The following MCC variants were observed in gnomAD, a reference collection of about 807,000 sequenced individuals.
MCC encodes colorectal mutant cancer protein.
In MCC, 90 loss-of-function variants were observed where a neutral mutation model predicts 116.2. The observed-to-expected ratio is 0.77, with a 90% CI of 0.65 to 0.92. The LOEUF is 0.92. Among genes scored for constraint, MCC ranks in the 40% least tolerant of loss-of-function variants. The probability of loss-of-function intolerance (pLI) is 0.00; values close to 1 mark genes in which losing one functional copy is unlikely to be tolerated. For synonymous variants in MCC, 578 were observed against 510.5 expected (o/e 1.13, Z -1.78); for missense variants, 1,516 against 1,312.2 (o/e 1.16, Z -2.40).
chr5:113,442,319 C>G (rs1306041691), intron 1 of MCC, among the ~76,000 whole-genome samples: 1 of 152,164 alleles, frequency 6.6e-6, no homozygotes, highest in East Asian at 1.9e-4. Flanking sequence ...AGTGTCTGTT[C>G]ATACACTTTG....
At chr5:113,065,493 T>A (rs976955641) in intron 13 of MCC, among the ~76,000 whole-genome samples, 1 of 152,106 alleles carries the variant, frequency 6.6e-6, no homozygotes, top group East Asian at 1.9e-4. Flanking sequence ...CACCAAATCA[T>A]AGAAAATGCT....
At chr5:113,288,630 G>C (rs113931714) in intron 3 of MCC, among the ~76,000 whole-genome samples, 3,148 of 152,280 alleles carry the variant, frequency 0.021, 35 homozygotes, top group Middle Eastern at 0.027. Context: ...GTATTGCATA[G>C]GGATTACAAT....
intron 1 of MCC, among the ~76,000 whole-genome samples, chr5:113,386,814 T>TACACATACACAC (rs70973681): frequency 0.44 from 65,274 of 149,356 alleles, 15,696 homozygotes; most frequent in African/African-American, 0.63. Flanking sequence ...CATATACACA[T>TACACATACACAC]ACACATATAT....
At chr5:113,166,269 C>G (rs1760761855) in intron 3 of MCC, among the ~76,000 whole-genome samples, 1 of 152,152 alleles carries the variant, frequency 6.6e-6, no homozygotes, top group Non-Finnish European at 1.5e-5. Flanking sequence ...AAAAGAAAAT[C>G]TAAGTCTGGC....
At chr5:113,098,294 CTG>C (rs1214199424) in intron 8 of MCC, among the ~76,000 whole-genome samples, 1 of 152,218 alleles carries the variant, frequency 6.6e-6, no homozygotes, top group Non-Finnish European at 1.5e-5. Flanking sequence ...AGGGCACTCT[CTG>C]TGTTTACCTG....
chr5:113,165,810 C>CT (rs887288588), intron 3 of MCC, among the ~76,000 whole-genome samples: 1 of 152,128 alleles, frequency 6.6e-6, no homozygotes, highest in African/African-American at 2.4e-5. Context: ...AGCTTCATTG[C>CT]TGAGGGAGGT....
intron 1 of MCC, among the ~76,000 whole-genome samples, chr5:113,473,903 T>C (rs1772161938): frequency 1.3e-5 from 2 of 152,062 alleles, no homozygotes; most frequent in East Asian, 3.9e-4. Context: ...AAAATCAAAG[T>C]ATTTCAGGCC....
chr5:113,071,088 G>GCCTAGCGCTGTCTT lies in MCC; in HGVS notation c.1925+5_1925+6insAAGACAGCGCTAGG. On this transcript the variant is annotated splice_donor_region_variant and intron_variant, in intron 12 of 18. Coordinates refer to ENST00000408903, the MANE Select transcript of MCC (RefSeq NM_001085377.2). ...AGTAGCTCCAAACATCCCAGTGTGT[G>GCCTAGCGCTGTCTT]CCTACCTGTACTGCAAGGCCAGCCT... 6.2e-7 allele frequency: 1 copy of GCCTAGCGCTGTCTT among 1,610,570 alleles called. No homozygotes were observed. Among genetic ancestry groups the GCCTAGCGCTGTCTT allele is most frequent in the Non-Finnish European group, 8.5e-7 (1 of 1,178,316 alleles).
chr5:113,064,722 G>C (rs535211646), intron 13 of MCC, among the ~76,000 whole-genome samples: 1 of 152,138 alleles, frequency 6.6e-6, no homozygotes, highest in East Asian at 1.9e-4. Flanking sequence ...CCTTCTCTTG[G>C]CTTGGTAATC....
chr5:113,180,221 A>G (rs140096752), intron 3 of MCC, among the ~76,000 whole-genome samples: 60 of 151,402 alleles, frequency 4.0e-4, no homozygotes, highest in African/African-American at 1.3e-3. Context: ...TCTCATTTCT[A>G]CTCCCTTTGT....
At chr5:113,329,428 A>G (rs186490593) in intron 3 of MCC, among the ~76,000 whole-genome samples, 61 of 143,014 alleles carry the variant, frequency 4.3e-4, no homozygotes, top group African/African-American at 1.5e-3. Flanking sequence ...ACATACATAT[A>G]TACACACATA....
chr5:113,152,094 T>G (rs2150291817), intron 3 of MCC, among the ~76,000 whole-genome samples: 1 of 152,318 alleles, frequency 6.6e-6, no homozygotes, highest in South Asian at 2.1e-4. Context: ...CAAATGACGC[T>G]GTGAAAAGAC....
intron 2 of MCC, among the ~76,000 whole-genome samples, chr5:113,362,529 C>CT (rs1166163384): frequency 2.0e-5 from 3 of 151,562 alleles, no homozygotes; most frequent in Admixed American, 6.6e-5. Context: ...TTCTTTTTTT[C>CT]TTTTTTTTGG....
At chr5:113,239,069 G>C (rs1333356409) in intron 3 of MCC, among the ~76,000 whole-genome samples, 1 of 151,854 alleles carries the variant, frequency 6.6e-6, no homozygotes, top group Non-Finnish European at 1.5e-5. Flanking sequence ...TGCTTTTTAG[G>C]ATATATAACA....
At chr5:113,382,962 C>T (rs973465626) in intron 2 of MCC, among the ~76,000 whole-genome samples, 2 of 152,122 alleles carry the variant, frequency 1.3e-5, no homozygotes, top group Admixed American at 1.3e-4. Flanking sequence ...CTGTCAGTTA[C>T]CACCTCTTTT....
rs373926363 is a variant in MCC at position 113,174,585 on chromosome 5, T to C, written c.628-23163A>G. ...CCTTGGAGAAAAAACCCACGACATA[T>C]AGTTAAAAAATATTTTTTTTCTTAA... On this transcript the variant is annotated intron_variant, in intron 3 of 18. Transcript: ENST00000408903. 2.1e-3 allele frequency among the ~76,000 whole-genome samples: 322 copies of C among 152,010 alleles called. 1 individual carries two copies. Among genetic ancestry groups the C allele is most frequent in the African/African-American group, 6.0e-3 (248 of 41,490 alleles).
chr5:113,480,953 T>C (rs1161758148), intron 1 of MCC, among the ~76,000 whole-genome samples: 1 of 152,074 alleles, frequency 6.6e-6, no homozygotes, highest in Non-Finnish European at 1.5e-5. Flanking sequence ...TTTTGTAATT[T>C]TTTTGTAGAG....
At chr5:113,338,444 C>A (rs766758509) in intron 3 of MCC, among the ~76,000 whole-genome samples, 11 of 152,128 alleles carry the variant, frequency 7.2e-5, no homozygotes, top group Non-Finnish European at 1.6e-4. Flanking sequence ...GAACAGAAAT[C>A]AGTCCAGGAG....
At chr5:113,472,239 C>A (rs950150913) in intron 1 of MCC, among the ~76,000 whole-genome samples, 5 of 152,198 alleles carry the variant, frequency 3.3e-5, no homozygotes, top group African/African-American at 4.8e-5. Flanking sequence ...AGAAATCACC[C>A]GTCTTCTGTG....
Sources: allele counts gnomAD v4.1 joint callset (sites outside exome capture counted in the v4.1 genomes callset), GRCh38; gene constraint gnomAD v4.1.1; transcripts MANE v1.5; gene names NCBI Gene and HGNC (gene_info 2026-07-23, HGNC 2026-07-21).